TNK2: variants seen among roughly 807,000 people sequenced by gnomAD.
The protein encoded by TNK2 is tyrosine kinase non receptor 2.
Under a neutral mutation model 101.8 loss-of-function variants are expected in TNK2, and 83 were observed. That is an observed-to-expected ratio of 0.82 (90% confidence interval 0.68 to 0.98). The LOEUF (loss-of-function observed/expected upper bound fraction) is 0.98. TNK2 is among the 50% of genes least tolerant of loss of function. TNK2 has a pLI of 0.00. For synonymous variants in TNK2, 804 were observed against 633.0 expected (o/e 1.27, Z -4.06); for missense variants, 1,665 against 1,483.2 (o/e 1.12, Z -2.01).
In TNK2 at chr3:195,867,704, T is replaced by A; in HGVS notation, c.2594A>T (p.Asp865Val). Residue 865 changes from aspartate to valine, a missense_variant, in exon 13 of 16, where the codon GAT (aspartate) becomes GTT (valine). Physicochemically the swap from Asp to Val is radical, Grantham distance 152. Transcript: ENST00000672887. ...AGPCILPIVR[D>V]GKKVSSTHYY... ...GTGGGTGCTGCTGACCTTCTTGCCA[T>A]CCCGGACGATGGGCAGGATGCAGGG... The A allele has an allele frequency of 6.2e-7, 1 of 1,608,062 alleles. No individual in the cohort carries two copies. The highest frequency in any genetic ancestry group is 1.1e-5 in the South Asian group (1 of 90,684).
rs1738871310 is a variant in TNK2 at position 195,863,919 on chromosome 3, C to T, written c.*262G>A. ...ATACCCAGAGCCTGCTGGGGCAGCC[C>T]TCAAGCCTGTCTTCACCCGGCCCCT... On this transcript the variant is annotated 3_prime_UTR_variant, in exon 16 of 16. Coordinates refer to ENST00000672887, the MANE Select transcript of TNK2 (RefSeq NM_001382273.1). 1 of 503,878 alleles carries T rather than the reference C, an allele frequency of 2.0e-6. No homozygotes were observed. The highest frequency in any genetic ancestry group is 3.3e-5 in the South Asian group (1 of 30,536). 31.2% of individuals were successfully genotyped at this position (503,878 alleles called of 1,614,324 possible). A position where few individuals can be genotyped will look rare whatever the true frequency, so the allele number is the denominator to read the frequency against.
At position 195,888,142 on chromosome 3, in the gene TNK2, G is replaced by A. The variant is rs1756941265; in HGVS notation, c.163+284C>T. 6.6e-6 allele frequency among the ~76,000 whole-genome samples: 1 copy of A among 152,152 alleles called. No individual in the cohort carries two copies. The highest frequency in any genetic ancestry group is 2.4e-5 in the African/African-American group (1 of 41,428). On this transcript the variant is annotated intron_variant, in intron 2 of 15. Coordinates refer to ENST00000672887, the MANE Select transcript of TNK2 (RefSeq NM_001382273.1). This position sits in a 1 kb window ranked among gnomAD's most constrained non-coding sequence, Gnocchi z 5.3. Reference sequence around the variant, plus strand: ...CAGACTCAATTCGATGCTTATGAAGGAGGGGCAATGGAGGACATACACTCT... The same window carrying A: ...CAGACTCAATTCGATGCTTATGAAGAAGGGGCAATGGAGGACATACACTCT...
Position 195,869,404 on chromosome 3 carries a change from G to A in TNK2, c.1588+93C>T, listed in dbSNP as rs1389420237. ...GCACACACCCACCCACCTCCCCTCC[G>A]GCCCAGCCGCCCAGGCTCTGTACCT... On this transcript the variant is annotated intron_variant, in intron 12 of 15. Transcript: ENST00000672887. The A allele has an allele frequency of 1.7e-4, 93 of 535,394 alleles. 2 individuals carry two copies. Among genetic ancestry groups the A allele is most frequent in the South Asian group, 9.7e-4 (62 of 63,722 alleles). 33.2% of individuals were successfully genotyped at this position (535,394 alleles called of 1,614,324 possible).
At chr3:195,899,715 T>C (rs964008162) in intron 1 of TNK2, among the ~76,000 whole-genome samples, 2 of 152,218 alleles carry the variant, frequency 1.3e-5, no homozygotes, top group African/African-American at 4.8e-5. Context: ...CAGCACATAA[T>C]TGTGCTGAAG....
At chr3:195,892,072 A>G in intron 1 of TNK2, 1 of 928,168 alleles carries the variant, frequency 1.1e-6, no homozygotes. Context: ...CTCCCCTCTA[A>G]GTCCCCCTCC....
At chr3:195,868,752 G>A in intron 12 of TNK2, 43 bp from the exon 13 acceptor site, 2 of 1,509,778 alleles carry the variant, frequency 1.3e-6, no homozygotes, top group Middle Eastern at 1.8e-4. Context: ...CAGTCAGGCA[G>A]GGTCTGGGAC....
chr3:195,900,069 T>TC (rs1264743275), intron 1 of TNK2, among the ~76,000 whole-genome samples: 4 of 151,776 alleles, frequency 2.6e-5, no homozygotes, highest in Non-Finnish European at 5.9e-5. Context: ...AGCAACTCAG[T>TC]CCCCCAAAGC....
chr3:195,892,390 C>T (rs1167667360), intron 1 of TNK2: 4 of 1,526,410 alleles, frequency 2.6e-6, no homozygotes, highest in Non-Finnish European at 3.5e-6. Context: ...CCCAGCAGTC[C>T]AGCCCCTGCC....
Position 195,867,426 on chromosome 3 carries a change from G to C in TNK2, c.2872C>G (p.Leu958Val). ...TCGCCAGGGCAGCCCCTCTGTGGCA[G>C]CCGAGCAGTGGCCCTCGGGGGTGGT... Reference protein sequence around the residue: ...RPPPPRATARLPQRGCPGDGP... With the variant: ...RPPPPRATARVPQRGCPGDGP... The change falls in exon 13 of 16, where the codon CTG becomes GTG. Residue 958 changes from leucine to valine, a missense_variant. Leu to Val is a conservative substitution (Grantham distance 32). Coordinates refer to ENST00000672887, the MANE Select transcript of TNK2 (RefSeq NM_001382273.1). 1 of 1,600,992 alleles carries C rather than the reference G, an allele frequency of 6.2e-7. No homozygotes were observed.
At chr3:195,889,630 C>T (rs1433288920) in intron 1 of TNK2, among the ~76,000 whole-genome samples, 1 of 152,250 alleles carries the variant, frequency 6.6e-6, no homozygotes, top group African/African-American at 2.4e-5. Context: ...AGCATGCACA[C>T]GCACACACAG....
chr3:195,870,247 G>A (rs370259298), intron 10 of TNK2, 42 bp from the exon 11 acceptor site: 5 of 1,599,968 alleles, frequency 3.1e-6, no homozygotes, highest in Non-Finnish European at 4.3e-6. Flanking sequence ...GGGGAAGCGT[G>A]TGGAGGGGTG....
At chr3:195,865,885 G>T (rs1740506466) in intron 15 of TNK2, among the ~76,000 whole-genome samples, 1 of 152,084 alleles carries the variant, frequency 6.6e-6, no homozygotes, top group Non-Finnish European at 1.5e-5. Context: ...CTTCCACGGG[G>T]TGAGCACTAT....
Position 195,878,955 on chromosome 3 carries a change from C to T in TNK2, c.1014+94G>A. On this transcript the variant is annotated intron_variant, in intron 7 of 15. Coordinates refer to ENST00000672887, the MANE Select transcript of TNK2 (RefSeq NM_001382273.1). The surrounding 1 kb of genome is among the most constrained non-coding windows in gnomAD (Gnocchi z 4.7). ...GCACGGGGCGTGGGAGGAGGGAGTC[C>T]ATTGGTGAGAGGCAGTTCCAGCAGG... The T allele has an allele frequency of 1.3e-6, 2 of 1,555,492 alleles. No homozygotes were observed.
intron 1 of TNK2, chr3:195,908,119 C>T (rs1321462841): frequency 6.6e-6 from 1 of 152,418 alleles, no homozygotes; most frequent in Non-Finnish European, 1.5e-5. Context: ...TGTGTGTTGA[C>T]TGCACCATGC....
At chr3:195,905,731 TCAGG>T (rs1391982353) in intron 1 of TNK2, among the ~76,000 whole-genome samples, 1 of 152,128 alleles carries the variant, frequency 6.6e-6, no homozygotes, top group African/African-American at 2.4e-5. Flanking sequence ...GGACTTTGGG[TCAGG>T]CAAAGATTTC....
At chr3:195,868,737 G>A in intron 12 of TNK2, 28 bp from the exon 13 acceptor site, 4 of 1,524,450 alleles carry the variant, frequency 2.6e-6, no homozygotes, top group Non-Finnish European at 3.5e-6. Flanking sequence ...AGCCCAACAG[G>A]AAGGCAGTCA....
intron 4 of TNK2, 51 bp downstream of exon 4, chr3:195,884,761 C>T: frequency 6.6e-7 from 1 of 1,526,622 alleles, no homozygotes; most frequent in South Asian, 1.2e-5. Context: ...GAGCCACTAC[C>T]AGCCCCGGGT....
rs200026055 is a variant in TNK2 at position 195,867,836 on chromosome 3, C to T, written c.2462G>A (p.Arg821Gln). 169 of 1,536,644 alleles carry T rather than the reference C, an allele frequency of 1.1e-4. No homozygotes were observed. In the African/African-American group the frequency reaches 1.5e-3, roughly 14 times the overall value. ...VPPGSSPLPP[R>Q]LSSSPGKTMP... Reference sequence around the variant, plus strand: ...GGTCTTCCCAGGTGAGCTTGAGAGCCGGGGTGGCAGCGGGGAGCTGCCAGG... The same window carrying T: ...GGTCTTCCCAGGTGAGCTTGAGAGCTGGGGTGGCAGCGGGGAGCTGCCAGG... Residue 821 changes from arginine to glutamine, a missense_variant, in exon 13 of 16, where the codon CGG (arginine) becomes CAG (glutamine). By Grantham distance (43) the Arg-to-Gln change is conservative. Coordinates refer to ENST00000672887, the MANE Select transcript of TNK2 (RefSeq NM_001382273.1).
rs1407220940 is a variant in TNK2, at chr3:195,867,238, G to A, written c.2964C>T (p.Thr988=). The change falls in exon 14 of 16, where the codon ACC becomes ACT. Residue 988 remains threonine (T), a synonymous_variant. Transcript: ENST00000672887. The part of the protein sequence containing the change: ...QMLQAMVHGV[T]TEECQAALQC... Reference sequence around the variant, plus strand: ...GCAGGGCCGCCTGGCACTCCTCTGTGGTCACCCCATGCACCATGGCCTGCA... The same window carrying A: ...GCAGGGCCGCCTGGCACTCCTCTGTAGTCACCCCATGCACCATGGCCTGCA... 8.1e-6 allele frequency: 13 copies of A among 1,612,836 alleles called. No individual in the cohort carries two copies. Among genetic ancestry groups the A allele is most frequent in the Non-Finnish European group, 1.0e-5 (12 of 1,179,894 alleles).
Sources: allele counts gnomAD v4.1 joint callset (sites outside exome capture counted in the v4.1 genomes callset), GRCh38; gene constraint gnomAD v4.1.1; non-coding constraint Gnocchi (gnomAD v3.1); transcripts MANE v1.5; gene names NCBI Gene and HGNC (gene_info 2026-07-23, HGNC 2026-07-21).